The following PRKCB variants were observed in gnomAD, a reference collection of about 807,000 sequenced individuals.
The protein encoded by PRKCB is protein kinase C beta type.
A neutral mutation model predicts 81.5 loss-of-function variants in PRKCB; 13 were observed. That is an observed-to-expected ratio of 0.16 (90% confidence interval 0.10 to 0.25). The LOEUF (loss-of-function observed/expected upper bound fraction) is 0.25. Ranked by LOEUF, PRKCB falls within the 10% of genes least tolerant of loss-of-function variation. PRKCB has a pLI of 1.00. For missense variants in PRKCB, 509 were observed against 875.7 expected (o/e 0.58, Z 5.29); for synonymous variants, 335 against 321.4 (o/e 1.04, Z -0.45).
At position 23,997,276 on chromosome 16, in the gene PRKCB, G is replaced by A. The variant is rs1490508225; in HGVS notation, c.288+8686G>A. Among the ~76,000 whole-genome samples, 5 of 152,158 alleles carry A rather than the reference G, an allele frequency of 3.3e-5. No individual in the cohort carries two copies. In the Middle Eastern group the frequency reaches 9.5e-3, roughly 289 times the overall value. On this transcript the variant is annotated intron_variant, in intron 3 of 16. Transcript: ENST00000643927. ...AATGGAGAAAAGGAAAAATGTGTCT[G>A]GATACAGGAGATCCCTAAAGACATC... is the stretch of plus-strand genomic sequence containing the variant.
chr16:23,859,763 G>C (rs1290519503), intron 2 of PRKCB, among the ~76,000 whole-genome samples: 1 of 151,986 alleles, frequency 6.6e-6, no homozygotes, highest in Non-Finnish European at 1.5e-5. Flanking sequence ...AGAAAATTTG[G>C]AGGAGGCAGA....
At chr16:24,134,955 T>A (rs1338672752) in intron 9 of PRKCB, among the ~76,000 whole-genome samples, 1 of 148,014 alleles carries the variant, frequency 6.8e-6, no homozygotes, top group Non-Finnish European at 1.5e-5. Context: ...GGGTTTCTCC[T>A]TCTTCCATGA....
rs550605744 is a variant in PRKCB, at chr16:24,218,919, A to G, written c.*4103A>G. On this transcript the variant is annotated 3_prime_UTR_variant, in exon 17 of 17. Transcript: ENST00000643927. ...CATAGCAGCGATGTGGTCAGGTAAA[A>G]ATCAGGAACCCACTGAAATCTTGGG... 6 of 985,396 alleles carry G rather than the reference A, an allele frequency of 6.1e-6. No homozygotes were observed. In the South Asian group the frequency reaches 2.4e-4, roughly 39 times the overall value. 61.0% of individuals were successfully genotyped at this position (985,396 alleles called of 1,614,324 possible). A position where few individuals can be genotyped will look rare whatever the true frequency, so the allele number is the denominator to read the frequency against.
rs144824128 is a variant in PRKCB at position 24,191,296 on chromosome 16, G to A, written c.1863+66G>A. The stretch of plus-strand genomic sequence containing the variant: ...CAAGGTATTCTTGCCTGTGCCTCAT[G>A]TTTTCCAAATGCTCCCTGAGGGGTA... On this transcript the variant is annotated intron_variant, in intron 16 of 16. Coordinates refer to ENST00000643927, the MANE Select transcript of PRKCB (RefSeq NM_002738.7). 3.2e-6 allele frequency: 5 copies of A among 1,581,658 alleles called. No individual in the cohort carries two copies. In the African/African-American group the frequency reaches 6.7e-5, roughly 21 times the overall value.
chr16:24,005,685 G>T (rs1965107370), intron 3 of PRKCB, among the ~76,000 whole-genome samples: 1 of 152,174 alleles, frequency 6.6e-6, no homozygotes, highest in Non-Finnish European at 1.5e-5. Context: ...CCCCAGAGAA[G>T]GGGAATCTTG....
At chr16:24,056,943 T>C (rs1965909028) in intron 5 of PRKCB, among the ~76,000 whole-genome samples, 1 of 152,210 alleles carries the variant, frequency 6.6e-6, no homozygotes, top group Non-Finnish European at 1.5e-5. Context: ...GGGCCCGTGG[T>C]GCATGCACAG....
rs1356159323 is a variant in PRKCB at position 24,217,725 on chromosome 16, A to G, written c.*2909A>G. 1.0e-5 allele frequency: 10 copies of G among 985,488 alleles called. No individual in the cohort carries two copies. Among genetic ancestry groups the G allele is most frequent in the Non-Finnish European group, 1.2e-5 (10 of 829,964 alleles). 61.0% of individuals were successfully genotyped at this position (985,488 alleles called of 1,614,324 possible). On this transcript the variant is annotated 3_prime_UTR_variant, in exon 17 of 17. Coordinates refer to ENST00000643927, the MANE Select transcript of PRKCB (RefSeq NM_002738.7). Reference sequence around the variant, plus strand: ...AGGGAATCTTTGATAAGAGGCCCACAGGCAGGGAAAGCGAAATAGGGTTGA... The same window carrying G: ...AGGGAATCTTTGATAAGAGGCCCACGGGCAGGGAAAGCGAAATAGGGTTGA...
chr16:24,110,336 C>T (rs981847852), intron 7 of PRKCB, among the ~76,000 whole-genome samples: 22 of 151,582 alleles, frequency 1.5e-4, no homozygotes, highest in Non-Finnish European at 2.5e-4. Flanking sequence ...CTCAGCCTCC[C>T]GAATAGCTGG....
intron 3 of PRKCB, among the ~76,000 whole-genome samples, chr16:24,016,524 G>A (rs1008562019): frequency 6.6e-6 from 1 of 152,032 alleles, no homozygotes; most frequent in East Asian, 1.9e-4. Flanking sequence ...TGCCAAGAAT[G>A]TCTGGTTATA....
intron 9 of PRKCB, among the ~76,000 whole-genome samples, chr16:24,138,566 T>G (rs77485693): frequency 1.3e-5 from 2 of 150,594 alleles, no homozygotes; most frequent in Non-Finnish European, 3.0e-5. Context: ...TATTTTTTTT[T>G]GGCATTTCTG....
chr16:24,011,708 G>A (rs1433936144), intron 3 of PRKCB, among the ~76,000 whole-genome samples: 1 of 151,892 alleles, frequency 6.6e-6, no homozygotes, highest in Non-Finnish European at 1.5e-5. Context: ...GTAGAGATGG[G>A]GTCTTGCTAT....
intron 7 of PRKCB, among the ~76,000 whole-genome samples, chr16:24,108,284 T>TTTA (rs1491160121): frequency 4.7e-5 from 1 of 21,358 alleles, no homozygotes; most frequent in Non-Finnish European, 1.0e-4. Flanking sequence ...TATTTATTTA[T>TTTA]TTTTTTTATT....
intron 3 of PRKCB, among the ~76,000 whole-genome samples, chr16:24,028,428 A>C (rs1596519038): frequency 6.6e-6 from 1 of 152,234 alleles, no homozygotes; most frequent in South Asian, 2.1e-4. Flanking sequence ...AATTCATCAC[A>C]GTTAATATAT....
At chr16:23,915,786 A>G (rs1407254196) in intron 2 of PRKCB, among the ~76,000 whole-genome samples, 1 of 151,544 alleles carries the variant, frequency 6.6e-6, no homozygotes, top group Non-Finnish European at 1.5e-5. Context: ...CTTATGATAG[A>G]ACAATTAGAA....
At chr16:24,083,498 A>C (rs1966275913) in intron 5 of PRKCB, among the ~76,000 whole-genome samples, 1 of 152,244 alleles carries the variant, frequency 6.6e-6, no homozygotes, top group Non-Finnish European at 1.5e-5. Flanking sequence ...ACTCTGCAAT[A>C]AAAAAGAATT....
chr16:23,987,962 A>T (rs1246230243), intron 2 of PRKCB, among the ~76,000 whole-genome samples: 2 of 152,224 alleles, frequency 1.3e-5, no homozygotes, highest in African/African-American at 4.8e-5. Flanking sequence ...TACTAAAGTG[A>T]CAATGTAAAC....
In PRKCB at chr16:23,955,968, A is replaced by G. The variant is rs564381856; in HGVS notation, c.206-32540A>G. On this transcript the variant is annotated intron_variant, in intron 2 of 16. Coordinates refer to ENST00000643927, the MANE Select transcript of PRKCB (RefSeq NM_002738.7). ...ATCACCAAAAGAAGCACTTATCATA[A>G]AAGACTGTGATGATGTATAACTGTG... 1.5e-3 allele frequency among the ~76,000 whole-genome samples: 162 copies of G among 106,660 alleles called. 1 individual carries two copies. The highest frequency in any genetic ancestry group is 2.3e-3 in the Non-Finnish European group (117 of 51,050). 70.0% of individuals were successfully genotyped at this position (106,660 alleles called of 152,430 possible).
At chr16:23,885,349 C>T (rs1295130344) in intron 2 of PRKCB, among the ~76,000 whole-genome samples, 2 of 152,104 alleles carry the variant, frequency 1.3e-5, no homozygotes, top group East Asian at 3.9e-4. Flanking sequence ...TGCTCTGTCA[C>T]CCAGGCTGGA....
At chr16:23,936,793 T>C (rs1964066024) in intron 2 of PRKCB, among the ~76,000 whole-genome samples, 1 of 152,120 alleles carries the variant, frequency 6.6e-6, no homozygotes, top group African/African-American at 2.4e-5. Flanking sequence ...GGATGGACTT[T>C]AGGTGATTTC....
Sources: allele counts gnomAD v4.1 joint callset (sites outside exome capture counted in the v4.1 genomes callset), GRCh38; gene constraint gnomAD v4.1.1; transcripts MANE v1.5; gene names NCBI Gene and HGNC (gene_info 2026-07-23, HGNC 2026-07-21).